IGF1: variants seen among roughly 807,000 people sequenced by gnomAD.
IGF1 encodes the protein insulin-like growth factor 1.
Under a neutral mutation model 13.8 loss-of-function variants are expected in IGF1, and 4 were observed. The observed-to-expected ratio is 0.29, with a 90% confidence interval of 0.14 to 0.66. The LOEUF (loss-of-function observed/expected upper bound fraction) is 0.66. IGF1 is among the 30% of genes least tolerant of loss of function. The probability of loss-of-function intolerance (pLI) is 0.78; values close to 1 mark genes in which losing one functional copy is unlikely to be tolerated. For synonymous variants in IGF1, 76 were observed against 72.6 expected (o/e 1.05, Z -0.23); for missense variants, 124 against 188.5 (o/e 0.66, Z 2.00).
chr12:102,410,485 A>G (rs977239058), intron 3 of IGF1, among the ~76,000 whole-genome samples: 3 of 152,340 alleles, frequency 2.0e-5, no homozygotes, highest in Admixed American at 6.5e-5. Flanking sequence ...TTTTGCTGCT[A>G]TGTGCTAAAG....
chr12:102,440,240 G>A (rs1877596983), intron 2 of IGF1, among the ~76,000 whole-genome samples: 1 of 152,194 alleles, frequency 6.6e-6, no homozygotes, highest in South Asian at 2.1e-4. Flanking sequence ...TGGTTGTGTT[G>A]CCTCAGCTGC....
At chr12:102,458,463 T>A (rs1879613406) in intron 2 of IGF1, among the ~76,000 whole-genome samples, 1 of 152,156 alleles carries the variant, frequency 6.6e-6, no homozygotes, top group African/African-American at 2.4e-5. Context: ...GATACAGCAC[T>A]TCTCACTCTG....
At chr12:102,431,170 C>A (rs1876706949) in intron 2 of IGF1, among the ~76,000 whole-genome samples, 1 of 152,192 alleles carries the variant, frequency 6.6e-6, no homozygotes, top group African/African-American at 2.4e-5. Flanking sequence ...CTACACATAC[C>A]ACACTACTAG....
intron 3 of IGF1, among the ~76,000 whole-genome samples, chr12:102,406,867 C>A (rs1418518763): frequency 6.6e-6 from 1 of 151,886 alleles, no homozygotes; most frequent in Non-Finnish European, 1.5e-5. Context: ...CCGAGGTGGG[C>A]AGATCACTTG....
intron 2 of IGF1, among the ~76,000 whole-genome samples, chr12:102,460,437 T>C (rs1459892974): frequency 6.6e-6 from 1 of 151,852 alleles, no homozygotes; most frequent in Non-Finnish European, 1.5e-5. Context: ...ATGATTGGAA[T>C]TTCATGGGTC....
intron 2 of IGF1, among the ~76,000 whole-genome samples, chr12:102,458,399 CCAACAAA>C (rs1173701175): frequency 6.6e-5 from 10 of 152,056 alleles, no homozygotes; most frequent in African/African-American, 2.4e-4. Context: ...CAGCCAGCTT[CCAACAAA>C]AAGGATCATG....
intron 2 of IGF1, among the ~76,000 whole-genome samples, chr12:102,458,732 A>AAAAAAAAAC (rs1355158272): frequency 1.6e-4 from 23 of 143,860 alleles, no homozygotes; most frequent in Admixed American, 5.4e-4. Context: ...ACACTGACCA[A>AAAAAAAAAC]AAAAAAAAAA....
In IGF1 at chr12:102,454,564, C is replaced by T. The variant is rs5742637; in HGVS notation, c.220+21079G>A. Among the ~76,000 whole-genome samples the T allele has an allele frequency of 0.025, 3,865 of 152,270 alleles. 284 individuals are homozygous for T. In the East Asian group the frequency reaches 0.27, roughly 11 times the overall value. On this transcript the variant is annotated intron_variant, in intron 2 of 3. Coordinates refer to ENST00000337514, the MANE Select transcript of IGF1 (RefSeq NM_000618.5). ...AGTCTGAAGGCCATTGCCACCTTTG[C>T]GAATAAGCCAGGGCATGACACTCTC...
intron 2 of IGF1, among the ~76,000 whole-genome samples, chr12:102,469,899 A>G (rs1415542034): frequency 3.3e-5 from 5 of 152,078 alleles, no homozygotes; most frequent in Non-Finnish European, 7.4e-5. Context: ...AATATACTAG[A>G]TAAACATAAC....
At chr12:102,429,125 T>G (rs1876508302) in intron 2 of IGF1, among the ~76,000 whole-genome samples, 1 of 152,214 alleles carries the variant, frequency 6.6e-6, no homozygotes, top group South Asian at 2.1e-4. Flanking sequence ...ATTATTTTTT[T>G]TCAAAATACC....
At chr12:102,453,289 T>C (rs1486753049) in intron 2 of IGF1, among the ~76,000 whole-genome samples, 1 of 152,186 alleles carries the variant, frequency 6.6e-6, no homozygotes, top group Non-Finnish European at 1.5e-5. Context: ...GTGGGAGAGT[T>C]CCCTATAGAG....
intron 2 of IGF1, among the ~76,000 whole-genome samples, chr12:102,426,065 G>C (rs1245560763): frequency 6.6e-6 from 1 of 152,150 alleles, no homozygotes; most frequent in Non-Finnish European, 1.5e-5. Flanking sequence ...CCATTTTCTA[G>C]TTATATTGTT....
At chr12:102,408,159 C>T (rs1444556272) in intron 3 of IGF1, among the ~76,000 whole-genome samples, 1 of 152,110 alleles carries the variant, frequency 6.6e-6, no homozygotes, top group East Asian at 1.9e-4. Context: ...CCAAAAAGGG[C>T]AAAATGAGAA....
intron 2 of IGF1, among the ~76,000 whole-genome samples, chr12:102,461,777 GT>G (rs764732143): frequency 3.3e-5 from 5 of 152,158 alleles, no homozygotes; most frequent in Non-Finnish European, 7.4e-5. Flanking sequence ...CTGAGGAAAG[GT>G]TCCACCAACT....
chr12:102,402,318 GC>G lies in IGF1; in HGVS notation c.*188del, dbSNP rs1873749912. On this transcript the variant is annotated 3_prime_UTR_variant, in exon 4 of 4. Transcript: ENST00000337514. ...ATCTACCAACTCCAGGACCATTTTT[GC>G]AAGGTGCAAATCACTCCTAAAGACA... 1.6e-6 allele frequency: 1 copy of G among 610,924 alleles called. No homozygotes were observed. The highest frequency in any genetic ancestry group is 2.7e-5 in the Admixed American group (1 of 36,694). The allele number at this position is 610,924 out of a possible 1,614,324, so 37.8% of individuals were successfully genotyped here.
intron 3 of IGF1, among the ~76,000 whole-genome samples, chr12:102,413,620 G>T (rs560416178): frequency 2.0e-5 from 3 of 152,294 alleles, no homozygotes; most frequent in Admixed American, 2.0e-4. Flanking sequence ...AGAAACTAAA[G>T]TGTCCCGGAA....
intron 2 of IGF1, among the ~76,000 whole-genome samples, chr12:102,440,052 A>C (rs377575363): frequency 6.6e-6 from 1 of 152,202 alleles, no homozygotes; most frequent in South Asian, 2.1e-4. Context: ...GCTAGAGGCA[A>C]GGGACCGGAC....
chr12:102,473,501 T>A (rs575001820), intron 2 of IGF1, among the ~76,000 whole-genome samples: 6 of 152,356 alleles, frequency 3.9e-5, no homozygotes, highest in African/African-American at 1.4e-4. Context: ...CATGAAGGTA[T>A]GTTGGACACT....
At chr12:102,449,633 C>T (rs1333735222) in intron 2 of IGF1, among the ~76,000 whole-genome samples, 10 of 146,956 alleles carry the variant, frequency 6.8e-5, no homozygotes, top group Admixed American at 6.1e-4. Flanking sequence ...CATCCCGCCC[C>T]CCAACTAGAG....
Sources: gnomAD v4.1 joint callset for allele counts (sites outside exome capture counted in the v4.1 genomes callset) on GRCh38, gnomAD v4.1.1 for gene constraint, MANE v1.5 for transcripts, NCBI Gene and HGNC (gene_info 2026-07-23, HGNC 2026-07-21) for gene names.